ESRRG: variants seen among roughly 807,000 people sequenced by gnomAD.
ESRRG encodes the protein estrogen-related receptor gamma.
Under a neutral mutation model 44.0 loss-of-function variants are expected in ESRRG, and 13 were observed. The observed-to-expected ratio is 0.30, with a 90% CI of 0.19 to 0.47. The LOEUF (loss-of-function observed/expected upper bound fraction) is 0.47. ESRRG is among the 20% of genes least tolerant of loss of function. The pLI, the probability that ESRRG is intolerant of heterozygous loss-of-function variation, is 1.00. For missense variants in ESRRG, 395 were observed against 580.6 expected, an observed-to-expected ratio of 0.68 and a Z score of 3.29; for synonymous variants, 215 against 214.6, an observed-to-expected ratio of 1.00 and a Z score of -0.02.
chr1:217,130,321 C>A (rs1260179241), intron 1 of ESRRG, among the ~76,000 whole-genome samples: 3 of 152,340 alleles, frequency 2.0e-5, no homozygotes, highest in South Asian at 2.1e-4. Context: ...CAGCCTTGAA[C>A]TCTGGAGCTC....
intron 2 of ESRRG, among the ~76,000 whole-genome samples, chr1:216,807,656 A>G (rs1488105952): frequency 6.6e-6 from 1 of 152,086 alleles, no homozygotes; most frequent in Non-Finnish European, 1.5e-5. Context: ...ACGGGAGAGA[A>G]CAGTAAGTTT....
At chr1:216,948,588 T>C (rs2066463509) in intron 1 of ESRRG, among the ~76,000 whole-genome samples, 3 of 151,802 alleles carry the variant, frequency 2.0e-5, no homozygotes, top group Non-Finnish European at 4.4e-5. Context: ...TTATCTACTA[T>C]ATATAGTATT....
At chr1:216,578,469 C>T (rs1336153078) in intron 3 of ESRRG, among the ~76,000 whole-genome samples, 1 of 151,904 alleles carries the variant, frequency 6.6e-6, no homozygotes, top group Non-Finnish European at 1.5e-5. Flanking sequence ...CTCTGTTTAT[C>T]CAATAGAGAG....
At chr1:216,658,636 C>T (rs1158741227) in intron 2 of ESRRG, among the ~76,000 whole-genome samples, 2 of 137,932 alleles carry the variant, frequency 1.4e-5, no homozygotes, top group Non-Finnish European at 3.1e-5. Context: ...GCCTGGCCAA[C>T]ATGGCGAAAC....
chr1:216,607,233 C>T (rs1227061545), intron 3 of ESRRG, among the ~76,000 whole-genome samples: 2 of 152,170 alleles, frequency 1.3e-5, no homozygotes, highest in African/African-American at 4.8e-5. Flanking sequence ...ACCCCCATGA[C>T]CCTGGCCTGG....
chr1:216,854,029 A>C (rs2095878951), intron 2 of ESRRG, among the ~76,000 whole-genome samples: 2 of 152,138 alleles, frequency 1.3e-5, no homozygotes, highest in South Asian at 4.1e-4. Flanking sequence ...GCTGGGAGTT[A>C]GGCTCAGCTG....
At chr1:217,033,602 ATTG>A (rs1227656692) in intron 1 of ESRRG, among the ~76,000 whole-genome samples, 39 of 152,188 alleles carry the variant, frequency 2.6e-4, no homozygotes, top group Admixed American at 5.2e-4. Flanking sequence ...AAGCCATGAA[ATTG>A]TATTCTTTAA....
chr1:216,639,921 G>C (rs1411239494), intron 3 of ESRRG, among the ~76,000 whole-genome samples: 1 of 152,204 alleles, frequency 6.6e-6, no homozygotes, highest in East Asian at 1.9e-4. Flanking sequence ...TGACATTCCT[G>C]TCAAAGGGCT....
intron 3 of ESRRG, among the ~76,000 whole-genome samples, chr1:216,587,096 G>A (rs2056798700): frequency 1.3e-5 from 2 of 152,086 alleles, no homozygotes; most frequent in Non-Finnish European, 2.9e-5. Flanking sequence ...TAAAATAGCT[G>A]TATATTTCAT....
intron 2 of ESRRG, among the ~76,000 whole-genome samples, chr1:216,844,758 C>T (rs1161624951): frequency 7.6e-6 from 1 of 131,588 alleles, no homozygotes; most frequent in Non-Finnish European, 1.6e-5. Flanking sequence ...TCATAGCATT[C>T]GTGCATGTGT....
At chr1:216,662,267 T>A (rs2072664693) in intron 2 of ESRRG, among the ~76,000 whole-genome samples, 1 of 152,132 alleles carries the variant, frequency 6.6e-6, no homozygotes, top group East Asian at 1.9e-4. Context: ...GCCTTGTGCT[T>A]GTCAGCCAAA....
chr1:216,788,312 G>A (rs2148026936), intron 2 of ESRRG, among the ~76,000 whole-genome samples: 1 of 152,198 alleles, frequency 6.6e-6, no homozygotes, highest in Non-Finnish European at 1.5e-5. Flanking sequence ...AATACAGTTG[G>A]TGATTTTAAG....
rs200999094 is a variant in ESRRG at position 216,507,076 on chromosome 1, C to T, written c.1240G>A (p.Ala414Thr). ...GGCAGTGTCATCAGCATCTTGCCAG[C>T]TCGACGAGGGTCTTCCATGTGCTGG... ...AGQHMEDPRR[A>T]GKMLMTLPLL... Residue 414 changes from alanine (A) to threonine (T), a missense_variant, in exon 7 of 7, where the codon GCT becomes ACT. Ala to Thr is a moderately conservative substitution (Grantham distance 58). This residue lies in a region of ESRRG where 167 missense variants were observed against 251.8 expected (regional missense o/e 0.66). Coordinates refer to ENST00000408911, the MANE Select transcript of ESRRG (RefSeq NM_001438.4). The T allele has an allele frequency of 6.2e-7, 1 of 1,613,978 alleles. No homozygotes were observed. The highest frequency in any genetic ancestry group is 1.3e-5 in the African/African-American group (1 of 74,902).
chr1:216,889,248 C>T (rs573919400), intron 2 of ESRRG, among the ~76,000 whole-genome samples: 1 of 152,330 alleles, frequency 6.6e-6, no homozygotes, highest in Admixed American at 6.5e-5. Context: ...GGCCCTGACA[C>T]ATATTCTGAC....
At chr1:216,554,288 T>C (rs1287029191) in intron 5 of ESRRG, among the ~76,000 whole-genome samples, 2 of 151,928 alleles carry the variant, frequency 1.3e-5, no homozygotes, top group African/African-American at 4.8e-5. Flanking sequence ...ACTCCTCCTC[T>C]ACTAAACATA....
At chr1:216,814,864 A>C (rs1166744900) in intron 2 of ESRRG, among the ~76,000 whole-genome samples, 1 of 152,240 alleles carries the variant, frequency 6.6e-6, no homozygotes, top group Non-Finnish European at 1.5e-5. Context: ...TATTTTTAAA[A>C]TTTGATAATT....
At chr1:216,509,013 A>G (rs888240943) in intron 6 of ESRRG, among the ~76,000 whole-genome samples, 2 of 152,198 alleles carry the variant, frequency 1.3e-5, no homozygotes, top group Admixed American at 1.3e-4. Flanking sequence ...CTATTTTCCA[A>G]CTAGACCAAA....
At chr1:216,971,783 A>G (rs1469017445) in intron 1 of ESRRG, among the ~76,000 whole-genome samples, 1 of 152,216 alleles carries the variant, frequency 6.6e-6, no homozygotes, top group Non-Finnish European at 1.5e-5. Context: ...ACACACACAC[A>G]TAAAAGAGTG....
intron 2 of ESRRG, among the ~76,000 whole-genome samples, chr1:216,914,981 T>C (rs1049141309): frequency 6.6e-6 from 1 of 152,206 alleles, no homozygotes; most frequent in African/African-American, 2.4e-5. Context: ...TTCAAAGATC[T>C]AAATATAAGT....
Sources: allele counts gnomAD v4.1 joint callset (sites outside exome capture counted in the v4.1 genomes callset), GRCh38; gene constraint gnomAD v4.1.1; regional missense constraint gnomAD v4.1.1; transcripts MANE v1.5; gene names NCBI Gene and HGNC (gene_info 2026-07-23, HGNC 2026-07-21).